Variants in CLDN10 observed in about 807,000 individuals in gnomAD.
CLDN10 encodes claudin 10, also known as claudin-10.
CLDN10 carries 15 observed loss-of-function variants against 22.9 expected under a neutral mutation model. That is an observed-to-expected ratio of 0.65 (90% confidence interval 0.44 to 1.01). The LOEUF is 1.01. Ranked by LOEUF, CLDN10 falls within the 50% of genes least tolerant of loss-of-function variation. The probability of loss-of-function intolerance (pLI) is 0.00; values close to 1 mark genes in which losing one functional copy is unlikely to be tolerated. For missense variants in CLDN10, 247 were observed against 287.8 expected (o/e 0.86, Z 1.03); for synonymous variants, 114 against 111.4 (o/e 1.02, Z -0.15).
At chr13:95,527,258 G>A (rs2043291288) in intron 1 of CLDN10, among the ~76,000 whole-genome samples, 1 of 152,112 alleles carries the variant, frequency 6.6e-6, no homozygotes, top group South Asian at 2.1e-4. Flanking sequence ...TTCATAAAAG[G>A]AATGTTATGT....
chr13:95,493,973 T>G (rs1048630489), intron 1 of CLDN10, among the ~76,000 whole-genome samples: 5 of 152,188 alleles, frequency 3.3e-5, no homozygotes, highest in African/African-American at 4.8e-5. Context: ...CACATATCAT[T>G]TTCGCTCATT....
At chr13:95,520,837 G>C (rs2043217104) in intron 1 of CLDN10, among the ~76,000 whole-genome samples, 1 of 151,982 alleles carries the variant, frequency 6.6e-6, no homozygotes, top group Admixed American at 6.6e-5. Flanking sequence ...AAAATTAGCT[G>C]GGCGTAGTGG....
At position 95,560,377 on chromosome 13, in the gene CLDN10, G is replaced by T; in HGVS notation, c.383-5G>T. On this transcript the variant is annotated splice_region_variant and splice_polypyrimidine_tract_variant and intron_variant, in intron 2 of 4. Transcript: ENST00000299339. Reference sequence around the variant, plus strand: ...CCATAGTGCTTTCCCTCTAATATTTGTTAGGGCTGTGCTCAATGACTGGAT... The same window carrying T: ...CCATAGTGCTTTCCCTCTAATATTTTTTAGGGCTGTGCTCAATGACTGGAT... The T allele has an allele frequency of 1.9e-6, 3 of 1,613,596 alleles. No individual in the cohort carries two copies. The highest frequency in any genetic ancestry group is 2.5e-6 in the Non-Finnish European group (3 of 1,179,528).
intron 1 of CLDN10, among the ~76,000 whole-genome samples, chr13:95,514,904 C>G (rs1402875820): frequency 1.3e-5 from 2 of 152,086 alleles, no homozygotes; most frequent in African/African-American, 4.8e-5. Context: ...GATGATGTCC[C>G]GCAGACTTGC....
rs1331241622 is a variant in CLDN10 at position 95,578,155 on chromosome 13, T to C, written c.*141T>C. The C allele has an allele frequency of 1.8e-5, 10 of 559,004 alleles. No individual in the cohort carries two copies. Among genetic ancestry groups the C allele is most frequent in the Middle Eastern group, 2.7e-4 (1 of 3,736 alleles). The allele number at this position is 559,004 out of a possible 1,614,324, so 34.6% of individuals were successfully genotyped here. On this transcript the variant is annotated 3_prime_UTR_variant, in exon 5 of 5. Coordinates refer to ENST00000299339, the MANE Select transcript of CLDN10 (RefSeq NM_006984.5). ...TTGAAGCATCTGTTGATTGTATGGATGTAAGTGTTCTTACATAGTTAGTTA... is the reference window on the plus strand; with the variant it reads ...TTGAAGCATCTGTTGATTGTATGGACGTAAGTGTTCTTACATAGTTAGTTA...
In CLDN10 at chr13:95,441,008, C is replaced by G. The variant is rs144598979; in HGVS notation, c.214+6961C>G. Among the ~76,000 whole-genome samples the G allele has an allele frequency of 2.0e-5, 3 of 152,336 alleles. No individual in the cohort carries two copies. The South Asian group carries it at 6.2e-4, about 32-fold the overall frequency. ...CATCCTGTCTTCATCCATAGTTCCT[C>G]TTTTAGGGGCCAGGACCTTATCTCA... On this transcript the variant is annotated intron_variant, in intron 1 of 4. Coordinates refer to the CLDN10 transcript ENST00000376873.
At chr13:95,532,215 G>GA (rs2043350744) in intron 1 of CLDN10, among the ~76,000 whole-genome samples, 2 of 152,056 alleles carry the variant, frequency 1.3e-5, no homozygotes, top group South Asian at 4.1e-4. Context: ...ATGCCTTTGA[G>GA]AAAATAGGCA....
At chr13:95,522,009 C>T (rs2043228802) in intron 1 of CLDN10, among the ~76,000 whole-genome samples, 1 of 151,860 alleles carries the variant, frequency 6.6e-6, no homozygotes, top group Non-Finnish European at 1.5e-5. Flanking sequence ...ACACTGATGC[C>T]TCCTTTTTCT....
chr13:95,463,285 AATATATATATATATATATAT>A (rs200962205), intron 1 of CLDN10, among the ~76,000 whole-genome samples: 1,656 of 40,112 alleles, frequency 0.041, 83 homozygotes, highest in African/African-American at 0.12. Context: ...GCAAATGCTT[AATATATATATATATATATAT>A]ATATATATAT....
intron 3 of CLDN10, among the ~76,000 whole-genome samples, chr13:95,576,834 A>G (rs1352518328): frequency 6.6e-6 from 1 of 152,264 alleles, no homozygotes; most frequent in Admixed American, 6.5e-5. Context: ...ACATGAAAGC[A>G]AAAGCAACCT....
At chr13:95,483,591 G>T (rs1204976688) in intron 1 of CLDN10, among the ~76,000 whole-genome samples, 1 of 152,164 alleles carries the variant, frequency 6.6e-6, no homozygotes, top group Non-Finnish European at 1.5e-5. Flanking sequence ...CCTGTGGGAG[G>T]GACCACACCT....
intron 1 of CLDN10, among the ~76,000 whole-genome samples, chr13:95,455,895 C>T (rs1195880266): frequency 6.6e-6 from 1 of 152,230 alleles, no homozygotes; most frequent in Non-Finnish European, 1.5e-5. Flanking sequence ...ATACAGGTCA[C>T]ACTCCCTTAC....
At chr13:95,440,119 G>A (rs2042310909) in intron 1 of CLDN10, among the ~76,000 whole-genome samples, 1 of 151,534 alleles carries the variant, frequency 6.6e-6, no homozygotes, top group South Asian at 2.1e-4. Flanking sequence ...TCACTATGTT[G>A]GCCAGGCTGG....
intron 1 of CLDN10, among the ~76,000 whole-genome samples, chr13:95,520,852 C>G (rs182738493): frequency 1.3e-5 from 2 of 151,856 alleles, no homozygotes; most frequent in Non-Finnish European, 2.9e-5. Flanking sequence ...TAGTGGCATG[C>G]GCCTGTAGTC....
At chr13:95,482,158 C>A (rs4564445) in intron 1 of CLDN10, among the ~76,000 whole-genome samples, 1 of 152,002 alleles carries the variant, frequency 6.6e-6, no homozygotes, top group Admixed American at 6.6e-5. Context: ...TATTTCACAT[C>A]GCATGCCTGT....
At position 95,440,016 on chromosome 13, in the gene CLDN10, C is replaced by T. The variant is rs557721783; in HGVS notation, c.214+5969C>T. Among the ~76,000 whole-genome samples, 12 of 151,644 alleles carry T rather than the reference C, an allele frequency of 7.9e-5. No homozygotes were observed. The East Asian group carries it at 1.2e-3, about 15-fold the overall frequency. ...ACAACCTCCGCCTCCCAGGTTCAAG[C>T]GATTCTCCTGCCTCAGCCTCCCAAG... On this transcript the variant is annotated intron_variant, in intron 1 of 4. Transcript: ENST00000376873.
At chr13:95,498,803 G>T (rs144977981) in intron 1 of CLDN10, among the ~76,000 whole-genome samples, 2 of 152,130 alleles carry the variant, frequency 1.3e-5, no homozygotes, top group African/African-American at 4.8e-5. Flanking sequence ...TGTTAACTAC[G>T]TTCACATTGT....
chr13:95,448,400 C>G (rs1368161970), intron 1 of CLDN10, among the ~76,000 whole-genome samples: 1 of 152,184 alleles, frequency 6.6e-6, no homozygotes, highest in Non-Finnish European at 1.5e-5. Context: ...TACAACAATG[C>G]AAGCTCCACA....
At chr13:95,445,124 A>T (rs768082959) in intron 1 of CLDN10, among the ~76,000 whole-genome samples, 5 of 152,208 alleles carry the variant, frequency 3.3e-5, no homozygotes, top group Non-Finnish European at 7.3e-5. Flanking sequence ...TCAGAGGATG[A>T]TGGTGACGAC....
Sources: gnomAD v4.1 joint callset for allele counts (sites outside exome capture counted in the v4.1 genomes callset) on GRCh38, gnomAD v4.1.1 for gene constraint, MANE v1.5 for transcripts, NCBI Gene and HGNC (gene_info 2026-07-23, HGNC 2026-07-21) for gene names.